PLEKHG1: variants seen among roughly 807,000 people sequenced by gnomAD.
PLEKHG1 encodes pleckstrin homology domain-containing family G member 1.
A neutral mutation model predicts 100.8 loss-of-function variants in PLEKHG1; 44 were observed. The observed-to-expected ratio is 0.44, with a 90% CI of 0.34 to 0.56. The LOEUF (loss-of-function observed/expected upper bound fraction) is 0.56, where lower values mean the gene tolerates loss of function less well. Among genes scored for constraint, PLEKHG1 ranks in the 20% least tolerant of loss-of-function variants. PLEKHG1 has a pLI of 0.01. For synonymous variants in PLEKHG1, 640 were observed against 662.5 expected (o/e 0.97, Z 0.52); for missense variants, 1,545 against 1,720.9 (o/e 0.90, Z 1.81).
At chr6:150,664,773 A>T (rs1364432158) in intron 3 of PLEKHG1, among the ~76,000 whole-genome samples, 2 of 152,192 alleles carry the variant, frequency 1.3e-5, no homozygotes, top group African/African-American at 4.8e-5. Flanking sequence ...CCCTGGGCCA[A>T]CTGGGGCTTT....
chr6:150,810,225 G>A (rs1474157905), intron 10 of PLEKHG1, among the ~76,000 whole-genome samples: 4 of 151,080 alleles, frequency 2.6e-5, no homozygotes, highest in Admixed American at 6.6e-5. Flanking sequence ...ACCTGGGTCC[G>A]GGAGGCGGAG....
intron 3 of PLEKHG1, among the ~76,000 whole-genome samples, chr6:150,661,202 A>G (rs958663315): frequency 6.6e-6 from 1 of 152,160 alleles, no homozygotes; most frequent in African/African-American, 2.4e-5. Context: ...AGTGTAGGGC[A>G]TAGGCTGGTC....
chr6:150,774,531 ATTT>A (rs61521577), intron 3 of PLEKHG1, among the ~76,000 whole-genome samples: 15 of 87,110 alleles, frequency 1.7e-4, no homozygotes, highest in African/African-American at 5.7e-4. Context: ...ATTAGTTTGA[ATTT>A]TTTTTTTTTT....
At chr6:150,827,667 A>G in intron 14 of PLEKHG1, 1 of 891,672 alleles carries the variant, frequency 1.1e-6, no homozygotes, top group Non-Finnish European at 1.9e-6. Context: ...AACAAGATGC[A>G]GGACCCCAAC....
intron 3 of PLEKHG1, among the ~76,000 whole-genome samples, chr6:150,655,477 G>C (rs188991495): frequency 1.4e-4 from 21 of 152,080 alleles, no homozygotes; most frequent in Non-Finnish European, 2.6e-4. Flanking sequence ...GGGAGGCCGA[G>C]GCGGGTAGAT....
intron 3 of PLEKHG1, among the ~76,000 whole-genome samples, chr6:150,689,129 G>T (rs147827936): frequency 2.0e-5 from 3 of 152,166 alleles, no homozygotes; most frequent in African/African-American, 7.2e-5. Flanking sequence ...CATTTTGTAT[G>T]AGTGGAATTA....
intron 3 of PLEKHG1, among the ~76,000 whole-genome samples, chr6:150,656,992 A>G (rs1483248621): frequency 2.0e-5 from 3 of 152,168 alleles, no homozygotes; most frequent in African/African-American, 7.2e-5. Context: ...TTCCATGCAT[A>G]AAAGTGATAG....
chr6:150,672,627 A>G (rs1250216878), intron 3 of PLEKHG1, among the ~76,000 whole-genome samples: 2 of 152,248 alleles, frequency 1.3e-5, no homozygotes, highest in Non-Finnish European at 2.9e-5. Flanking sequence ...AATTAAAGGA[A>G]TGGAAAAAGA....
At chr6:150,604,722 C>G (rs984261574) in intron 1 of PLEKHG1, among the ~76,000 whole-genome samples, 1 of 152,198 alleles carries the variant, frequency 6.6e-6, no homozygotes, top group Non-Finnish European at 1.5e-5. Flanking sequence ...CTAGAAGTCT[C>G]TGTTAAGCAT....
At chr6:150,772,763 A>G (rs1784772084) in intron 3 of PLEKHG1, among the ~76,000 whole-genome samples, 2 of 152,330 alleles carry the variant, frequency 1.3e-5, no homozygotes, top group South Asian at 2.1e-4. Context: ...GTGATGATCT[A>G]TCTCTGTATT....
chr6:150,722,349 C>CTTTTTTTTTTTTTTTTTTTTTTTTTT (rs139069069), intron 1 of PLEKHG1, among the ~76,000 whole-genome samples: 1 of 90,680 alleles, frequency 1.1e-5, no homozygotes, highest in Non-Finnish European at 2.1e-5. Flanking sequence ...TTTTTCTTTT[C>CTTTTTTTTTTTTTTTTTTTTTTTTTT]TTTTTTTTTT....
At chr6:150,715,270 G>A (rs572256347) in intron 3 of PLEKHG1, among the ~76,000 whole-genome samples, 2 of 152,252 alleles carry the variant, frequency 1.3e-5, no homozygotes, top group South Asian at 4.1e-4. Flanking sequence ...GGTGGAATTT[G>A]TAGTTGGTGA....
At chr6:150,747,091 T>C (rs907229061) in intron 2 of PLEKHG1, among the ~76,000 whole-genome samples, 2 of 152,220 alleles carry the variant, frequency 1.3e-5, no homozygotes, top group African/African-American at 4.8e-5. Flanking sequence ...AAAATTCTAT[T>C]GGAGATTTGC....
chr6:150,804,152 A>ATT (rs200674238), intron 6 of PLEKHG1, among the ~76,000 whole-genome samples: 1 of 33,908 alleles, frequency 2.9e-5, no homozygotes, highest in Non-Finnish European at 5.1e-5. Context: ...GTGTGTAAAT[A>ATT]TTTTATATAT....
Position 150,830,805 on chromosome 6 carries a change from C to G in PLEKHG1, c.1694C>G (p.Ser565Ter). ...GATGATTATCAGATGTTCGTGCCGTCATTTTCCTCCTCAGATCTGAACTCT... is the reference window on the plus strand; with the variant it reads ...GATGATTATCAGATGTTCGTGCCGTGATTTTCCTCCTCAGATCTGAACTCT... The change falls in exon 15 of 16, where the codon TCA (serine) becomes TGA (stop). Residue 565 changes from serine to a stop codon, truncating the protein, a stop_gained. Coordinates refer to ENST00000358517, the Ensembl canonical transcript of PLEKHG1. LOFTEE classifies it high-confidence loss of function. 6.2e-7 allele frequency: 1 copy of G among 1,614,162 alleles called. No homozygotes were observed. The highest frequency in any genetic ancestry group is 8.5e-7 in the Non-Finnish European group (1 of 1,180,012).
chr6:150,810,504 GAAAGAAAGAAAAAGAAAGAAAGAAAGAAA>G, intron 10 of PLEKHG1, among the ~76,000 whole-genome samples: 1 of 78,748 alleles, frequency 1.3e-5, no homozygotes, highest in East Asian at 2.9e-4. Flanking sequence ...AGGAGGGAAA[GAAAGAAAGAAAAAGAAAGAAAGAAAGAAA>G]GAAAGGAAGA....
At chr6:150,655,001 A>G (rs1049668186) in intron 3 of PLEKHG1, among the ~76,000 whole-genome samples, 3 of 152,254 alleles carry the variant, frequency 2.0e-5, no homozygotes, top group African/African-American at 7.2e-5. Flanking sequence ...GTGTTATGAA[A>G]ATGATTTTTA....
At chr6:150,785,375 GA>G (rs944539839) in intron 3 of PLEKHG1, among the ~76,000 whole-genome samples, 1 of 152,096 alleles carries the variant, frequency 6.6e-6, no homozygotes, top group African/African-American at 2.4e-5. Context: ...AACTCATGTG[GA>G]GTGCAATTTA....
At chr6:150,732,422 G>A (rs1441734536) in intron 1 of PLEKHG1, among the ~76,000 whole-genome samples, 1 of 152,220 alleles carries the variant, frequency 6.6e-6, no homozygotes, top group East Asian at 1.9e-4. Context: ...GAGAGGATAA[G>A]TTTTCAATGG....
Sources: allele counts gnomAD v4.1 joint callset (sites outside exome capture counted in the v4.1 genomes callset), GRCh38; gene constraint gnomAD v4.1.1; transcripts MANE v1.5; gene names NCBI Gene and HGNC (gene_info 2026-07-23, HGNC 2026-07-21).